The following ERI3 variants were observed in gnomAD, a reference collection of about 807,000 sequenced individuals.
ERI3 encodes the protein ERI1 exoribonuclease family member 3, also known as ERI1 exoribonuclease 3.
In ERI3, 18 loss-of-function variants were observed where a neutral mutation model predicts 44.4. The ratio of observed to expected loss-of-function variants is 0.41; its 90% confidence interval spans 0.28 to 0.60. The LOEUF (loss-of-function observed/expected upper bound fraction) is 0.60, where lower values mean the gene tolerates loss of function less well. Among genes scored for constraint, ERI3 ranks in the 20% least tolerant of loss-of-function variants. The probability of loss-of-function intolerance (pLI) is 0.36; values close to 1 mark genes in which losing one functional copy is unlikely to be tolerated. For missense variants in ERI3, 294 were observed against 435.5 expected, an observed-to-expected ratio of 0.68 and a Z score of 2.89; for synonymous variants, 183 against 164.8, an observed-to-expected ratio of 1.11 and a Z score of -0.84.
chr1:44,313,758 A>G (rs1356759385), intron 4 of ERI3, among the ~76,000 whole-genome samples: 1 of 151,972 alleles, frequency 6.6e-6, no homozygotes, highest in African/African-American at 2.4e-5. Flanking sequence ...CCTAACATCC[A>G]TGAAGTCCCA....
At chr1:44,272,796 T>C (rs1216502573) in intron 7 of ERI3, among the ~76,000 whole-genome samples, 1 of 151,886 alleles carries the variant, frequency 6.6e-6, no homozygotes, top group African/African-American at 2.4e-5. Context: ...GCCGAGATCA[T>C]GCCACCGCAT....
intron 2 of ERI3, among the ~76,000 whole-genome samples, chr1:44,340,707 G>A (rs757427731): frequency 3.3e-5 from 5 of 152,182 alleles, no homozygotes; most frequent in Non-Finnish European, 5.9e-5. Flanking sequence ...AGATTTCAGG[G>A]GGATTCAGTG....
chr1:44,277,585 A>C (rs764377855), intron 7 of ERI3, among the ~76,000 whole-genome samples: 3 of 152,192 alleles, frequency 2.0e-5, no homozygotes, highest in Non-Finnish European at 4.4e-5. Context: ...GGCCCTTGTT[A>C]TTAACAAGTT....
At chr1:44,301,134 C>T (rs995495482) in intron 6 of ERI3, among the ~76,000 whole-genome samples, 3 of 152,174 alleles carry the variant, frequency 2.0e-5, no homozygotes, top group African/African-American at 7.2e-5. Flanking sequence ...AACATGACCC[C>T]ATCAACTCAC....
chr1:44,304,015 A>T (rs1645781031), intron 6 of ERI3, among the ~76,000 whole-genome samples: 2 of 152,172 alleles, frequency 1.3e-5, no homozygotes, highest in African/African-American at 4.8e-5. Context: ...TGGATAGAGA[A>T]GGGATAATTT....
chr1:44,229,698 G>A (rs191275900), intron 8 of ERI3, among the ~76,000 whole-genome samples: 200 of 152,340 alleles, frequency 1.3e-3, no homozygotes, highest in African/African-American at 4.3e-3. Flanking sequence ...GGGCCTGGGC[G>A]TACAGGTCTG....
intron 8 of ERI3, among the ~76,000 whole-genome samples, chr1:44,226,961 T>C (rs1644059690): frequency 6.6e-6 from 1 of 152,186 alleles, no homozygotes. Flanking sequence ...CACCATTGAT[T>C]GAACTGTCAA....
chr1:44,254,994 T>G (rs753686090), intron 7 of ERI3, among the ~76,000 whole-genome samples: 6 of 152,044 alleles, frequency 3.9e-5, no homozygotes, highest in African/African-American at 1.2e-4. Context: ...TTCACATAAC[T>G]TCTCTGTGTC....
chr1:44,303,534 A>G (rs1645770476), intron 6 of ERI3, among the ~76,000 whole-genome samples: 1 of 152,224 alleles, frequency 6.6e-6, no homozygotes, highest in Non-Finnish European at 1.5e-5. Context: ...TGCGAGAGAA[A>G]GACAAGTAGA....
chr1:44,351,342 T>C (rs1044099489), intron 2 of ERI3, among the ~76,000 whole-genome samples: 8 of 152,174 alleles, frequency 5.3e-5, no homozygotes, highest in Admixed American at 1.3e-4. Flanking sequence ...CTGCCAACTT[T>C]CTAAAACATA....
chr1:44,345,476 GACTGAAA>G (rs1176203023), intron 2 of ERI3, among the ~76,000 whole-genome samples: 1 of 152,218 alleles, frequency 6.6e-6, no homozygotes, highest in Non-Finnish European at 1.5e-5. Context: ...GAGTCCAGCT[GACTGAAA>G]GCACCTAGGA....
chr1:44,242,039 C>A (rs940569764), intron 8 of ERI3: 4 of 985,610 alleles, frequency 4.1e-6, no homozygotes, highest in Admixed American at 1.2e-4. Context: ...AAGGAGCCAG[C>A]ACCCTCTCCC....
chr1:44,351,850 C>T (rs1031010811), intron 2 of ERI3, among the ~76,000 whole-genome samples: 3 of 151,736 alleles, frequency 2.0e-5, no homozygotes, highest in African/African-American at 7.3e-5. Context: ...TTTAATTTCC[C>T]GTGTTCTTTG....
rs77756792 is a variant in ERI3, at chr1:44,318,699, A to G, written c.606+929T>C. On this transcript the variant is annotated intron_variant, in intron 4 of 8. Coordinates refer to ENST00000372257, the MANE Select transcript of ERI3 (RefSeq NM_024066.3). ...CTCATCCCCAGCCTTCTTACCAAGG[A>G]GACTGTTTGGGATAACTCAAGAACC... Among the ~76,000 whole-genome samples, 826 of 152,340 alleles carry G rather than the reference A, an allele frequency of 5.4e-3. 7 individuals carry two copies. The highest frequency in any genetic ancestry group is 0.019 in the African/African-American group (780 of 41,584).
At chr1:44,278,131 C>T (rs922931190) in intron 7 of ERI3, among the ~76,000 whole-genome samples, 10 of 152,252 alleles carry the variant, frequency 6.6e-5, no homozygotes, top group Non-Finnish European at 7.4e-5. Context: ...TGAAATCTGA[C>T]GTGTAACTTA....
intron 6 of ERI3, among the ~76,000 whole-genome samples, chr1:44,295,691 G>T (rs764346730): frequency 6.6e-6 from 1 of 152,108 alleles, no homozygotes; most frequent in Non-Finnish European, 1.5e-5. Context: ...TCAATGAATG[G>T]GACACATCTG....
intron 8 of ERI3, among the ~76,000 whole-genome samples, chr1:44,239,458 G>A (rs937589034): frequency 2.6e-5 from 4 of 152,314 alleles, no homozygotes; most frequent in Admixed American, 2.0e-4. Flanking sequence ...AGAACTAAGC[G>A]GCTGCAGGAG....
intron 3 of ERI3, among the ~76,000 whole-genome samples, chr1:44,334,143 C>T (rs1248288549): frequency 6.6e-6 from 1 of 152,232 alleles, no homozygotes; most frequent in African/African-American, 2.4e-5. Flanking sequence ...AGGATGGCAG[C>T]TCCTCGGATG....
At chr1:44,316,811 G>A (rs1055314484) in intron 4 of ERI3, among the ~76,000 whole-genome samples, 30 of 152,028 alleles carry the variant, frequency 2.0e-4, no homozygotes, top group Admixed American at 8.5e-4. Flanking sequence ...CATGGTTAGG[G>A]ACTGTGCAGC....
Sources: allele counts gnomAD v4.1 joint callset (sites outside exome capture counted in the v4.1 genomes callset), GRCh38; gene constraint gnomAD v4.1.1; transcripts MANE v1.5; gene names NCBI Gene and HGNC (gene_info 2026-07-23, HGNC 2026-07-21).